The following MSH3 variants were observed in gnomAD, a reference collection of about 807,000 sequenced individuals.
The protein encoded by MSH3 is DNA mismatch repair protein Msh3.
In MSH3, 106 loss-of-function variants were observed where a neutral mutation model predicts 123.3. The ratio of observed to expected loss-of-function variants is 0.86; its 90% CI spans 0.73 to 1.01. MSH3 has a LOEUF of 1.01. MSH3 is among the 50% of genes least tolerant of loss of function. The pLI is 0.00. For synonymous variants in MSH3, 515 were observed against 481.4 expected (o/e 1.07, Z -0.91); for missense variants, 1,459 against 1,347.6 (o/e 1.08, Z -1.29).
chr5:80,691,881 A>C (rs1012686626), intron 8 of MSH3, among the ~76,000 whole-genome samples: 21 of 145,386 alleles, frequency 1.4e-4, no homozygotes, highest in African/African-American at 5.0e-4. Flanking sequence ...GTTTATATAG[A>C]TAAACGTGTA....
intron 8 of MSH3, among the ~76,000 whole-genome samples, chr5:80,697,855 T>C (rs1224018173): frequency 6.6e-6 from 1 of 152,236 alleles, no homozygotes; most frequent in Non-Finnish European, 1.5e-5. Context: ...AAGTTTATTT[T>C]ATTAAATTGG....
At chr5:80,742,003 C>CTTTTTTTTTTTTTTTT (rs565490803) in intron 11 of MSH3, among the ~76,000 whole-genome samples, 1 of 144,860 alleles carries the variant, frequency 6.9e-6, no homozygotes. Context: ...TGCAAACTTT[C>CTTTTTTTTTTTTTTTT]TTTTTTTTTT....
intron 19 of MSH3, among the ~76,000 whole-genome samples, chr5:80,798,600 T>G (rs904241477): frequency 1.3e-5 from 2 of 152,238 alleles, no homozygotes; most frequent in Non-Finnish European, 2.9e-5. Context: ...GATTCTGCTG[T>G]AAAGGTGTTT....
intron 19 of MSH3, among the ~76,000 whole-genome samples, chr5:80,808,310 C>T (rs906382061): frequency 2.0e-5 from 3 of 152,142 alleles, no homozygotes; most frequent in Non-Finnish European, 4.4e-5. Context: ...TGTCCTTTCT[C>T]ATCCTAATGC....
At chr5:80,659,695 A>G (rs1749384867) in intron 2 of MSH3, among the ~76,000 whole-genome samples, 1 of 152,142 alleles carries the variant, frequency 6.6e-6, no homozygotes, top group Non-Finnish European at 1.5e-5. Flanking sequence ...TAGTACATTT[A>G]TATTGTTATG....
At chr5:80,775,972 C>T (rs1744292256) in intron 16 of MSH3, among the ~76,000 whole-genome samples, 1 of 152,026 alleles carries the variant, frequency 6.6e-6, no homozygotes. Flanking sequence ...TCACTGCAAC[C>T]TCCGCCTCCC....
intron 12 of MSH3, among the ~76,000 whole-genome samples, chr5:80,752,659 A>G (rs930305257): frequency 2.6e-5 from 4 of 152,174 alleles, no homozygotes; most frequent in African/African-American, 9.7e-5. Flanking sequence ...ATGAGACAGT[A>G]TATGTAAAAG....
chr5:80,804,493 C>T (rs1744848685), intron 19 of MSH3, among the ~76,000 whole-genome samples: 1 of 152,268 alleles, frequency 6.6e-6, no homozygotes, highest in Non-Finnish European at 1.5e-5. Context: ...CATTAGGGGG[C>T]ACCCCAAGTC....
At chr5:80,804,336 T>C (rs182157213) in intron 19 of MSH3, among the ~76,000 whole-genome samples, 1 of 152,346 alleles carries the variant, frequency 6.6e-6, no homozygotes, top group African/African-American at 2.4e-5. Context: ...TGGCTTCAGG[T>C]CTGACCCAGT....
chr5:80,777,527 G>T (rs1441675442), intron 16 of MSH3, among the ~76,000 whole-genome samples: 1 of 152,038 alleles, frequency 6.6e-6, no homozygotes, highest in East Asian at 1.9e-4. Flanking sequence ...TAAATATGTT[G>T]GCCTAGAAGT....
In MSH3 at chr5:80,656,346, C is replaced by G. The variant is rs1382540; in HGVS notation, c.238-65C>G. The G allele has an allele frequency of 0.26, 419,214 of 1,601,114 alleles. 57,575 individuals are homozygous for G. The highest frequency in any genetic ancestry group is 0.42 in the Middle Eastern group (2,499 of 5,960). On this transcript the variant is annotated intron_variant, in intron 1 of 23. Coordinates refer to ENST00000265081, the MANE Select transcript of MSH3 (RefSeq NM_002439.5). The stretch of plus-strand genomic sequence containing the variant: ...TCATTCAGTTGTAAGGTTTAAATTG[C>G]TTCACATACGTCAGGCCTTCTCAGA...
chr5:80,741,662 G>A (rs1481138728), intron 11 of MSH3, 114 bp downstream of exon 11: 2 of 765,868 alleles, frequency 2.6e-6, no homozygotes, highest in Non-Finnish European at 4.7e-6. Flanking sequence ...TTAGCTGACT[G>A]CAGTATTAAT....
chr5:80,715,832 C>T (rs1160110946), intron 8 of MSH3, among the ~76,000 whole-genome samples: 1 of 152,136 alleles, frequency 6.6e-6, no homozygotes, highest in African/African-American at 2.4e-5. Context: ...GAAGTCCACT[C>T]CCATGATCCA....
At chr5:80,872,844 A>G (rs1236748256) in intron 22 of MSH3, among the ~76,000 whole-genome samples, 1 of 152,218 alleles carries the variant, frequency 6.6e-6, no homozygotes, top group South Asian at 2.1e-4. Context: ...TCTTTTTAAT[A>G]TAGACGTTCA....
intron 3 of MSH3, 138 bp downstream of exon 3, chr5:80,665,501 T>C: frequency 1.4e-6 from 1 of 693,994 alleles, no homozygotes; most frequent in Non-Finnish European, 2.5e-6. Flanking sequence ...AGCTTTTGTG[T>C]TTTAGTTTAG....
At chr5:80,875,479 G>C (rs1159545695) in intron 23 of MSH3, among the ~76,000 whole-genome samples, 1 of 152,184 alleles carries the variant, frequency 6.6e-6, no homozygotes, top group Non-Finnish European at 1.5e-5. Context: ...GTTTGAAGGA[G>C]GAGGAGGTCA....
At chr5:80,825,630 A>T (rs985820078) in intron 20 of MSH3, among the ~76,000 whole-genome samples, 27 of 152,166 alleles carry the variant, frequency 1.8e-4, no homozygotes, top group Admixed American at 3.9e-4. Flanking sequence ...TGTAAGGAAC[A>T]TGTGTCTTTC....
intron 4 of MSH3, among the ~76,000 whole-genome samples, chr5:80,670,981 G>A (rs1026481076): frequency 2.6e-5 from 4 of 152,024 alleles, no homozygotes; most frequent in African/African-American, 4.8e-5. Context: ...AAATTAGCCC[G>A]GTGTGGTGGT....
At chr5:80,797,442 C>A (rs1045237909) in intron 19 of MSH3, among the ~76,000 whole-genome samples, 1 of 152,012 alleles carries the variant, frequency 6.6e-6, no homozygotes, top group African/African-American at 2.4e-5. Context: ...AAATTTTTGC[C>A]TTTTATTTTC....
Sources: allele counts gnomAD v4.1 joint callset (sites outside exome capture counted in the v4.1 genomes callset), GRCh38; gene constraint gnomAD v4.1.1; transcripts MANE v1.5; gene names NCBI Gene and HGNC (gene_info 2026-07-23, HGNC 2026-07-21).